XKRX: variants seen among roughly 807,000 people sequenced by gnomAD.
XKRX encodes the protein XK related X-linked.
XKRX carries 11 observed loss-of-function variants against 22.4 expected under a neutral mutation model. The observed-to-expected ratio is 0.49, with a 90% CI of 0.31 to 0.81. The LOEUF is 0.81. Ranked by LOEUF, XKRX falls within the 40% of genes least tolerant of loss-of-function variation. The pLI is 0.05. For synonymous variants in XKRX, 114 were observed against 132.2 expected (o/e 0.86, Z 0.94); for missense variants, 320 against 336.5 (o/e 0.95, Z 0.38).
At chrX:100,953,150 TA>T in the XKRX span, among the ~76,000 whole-genome samples, 1 of 111,427 alleles carries the variant, frequency 9.0e-6, no homozygotes, top group African/African-American at 3.3e-5. Flanking sequence ...CAGCCGGGTA[TA>T]GTGGCACATG....
chrX:100,950,763 T>G, the XKRX span, among the ~76,000 whole-genome samples: 3 of 111,709 alleles, frequency 2.7e-5, no homozygotes, highest in Non-Finnish European at 5.6e-5. Flanking sequence ...CTCCAAACAT[T>G]TGAAAATTAA....
the XKRX span, among the ~76,000 whole-genome samples, chrX:100,939,352 G>C: frequency 1.8e-3 from 205 of 111,854 alleles, no homozygotes; most frequent in Non-Finnish European, 2.9e-3. Context: ...TCAAAGTTAG[G>C]AGTGACTTTG....
downstream of XKRX, chrX:100,910,842 T>C: frequency 1.3e-6 from 1 of 767,423 alleles, no homozygotes; most frequent in Non-Finnish European, 2.0e-6. Context: ...AATGATGGTC[T>C]GAAGGCTAAG....
the XKRX span, among the ~76,000 whole-genome samples, chrX:100,897,108 AATT>A: frequency 9.0e-6 from 1 of 111,109 alleles, no homozygotes; most frequent in Non-Finnish European, 1.9e-5. Context: ...GTTATTTTTA[AATT>A]ATTATTGGTT....
At chrX:100,917,321 A>G (rs747050709) in intron 2 of XKRX, among the ~76,000 whole-genome samples, 19 of 109,548 alleles carry the variant, frequency 1.7e-4, no homozygotes, top group Admixed American at 4.9e-4. Flanking sequence ...CTAATTAGAA[A>G]TCCTTGGTTC....
At chrX:100,952,986 C>A in the XKRX span, among the ~76,000 whole-genome samples, 5 of 112,492 alleles carry the variant, frequency 4.4e-5, no homozygotes, top group Non-Finnish European at 7.5e-5. Flanking sequence ...TTACTTCACA[C>A]CACATACAAA....
upstream of XKRX, among the ~76,000 whole-genome samples, chrX:100,930,854 G>A (rs1267879331): frequency 4.5e-5 from 5 of 110,617 alleles, no homozygotes; most frequent in Admixed American, 9.7e-5. Context: ...AGAGTCAGCC[G>A]GGCGCGGTAG....
At chrX:100,908,726 C>G (rs1022939502), downstream of XKRX, among the ~76,000 whole-genome samples, 4 of 111,927 alleles carry the variant, frequency 3.6e-5, no homozygotes, top group Non-Finnish European at 7.5e-5. Context: ...TGATTATGTA[C>G]TAAAGAATTT....
At chrX:100,921,189 T>A (rs944968597) in intron 2 of XKRX, among the ~76,000 whole-genome samples, 3 of 111,398 alleles carry the variant, frequency 2.7e-5, no homozygotes, top group African/African-American at 9.8e-5. Flanking sequence ...TCAGCCACCA[T>A]GCCCATCCTT....
the XKRX span, among the ~76,000 whole-genome samples, chrX:100,901,826 C>T: frequency 1.8e-5 from 2 of 110,104 alleles, no homozygotes; most frequent in African/African-American, 6.6e-5. Flanking sequence ...ATGGTGAAAC[C>T]CTGTCTCTAC....
At chrX:100,910,525 C>T (rs1286737314), downstream of XKRX, among the ~76,000 whole-genome samples, 1 of 105,863 alleles carries the variant, frequency 9.4e-6, no homozygotes, top group African/African-American at 3.5e-5. Flanking sequence ...GTGGAGGTTG[C>T]GGTGAGCCAA....
chrX:100,905,945 G>C, the XKRX span, among the ~76,000 whole-genome samples: 1 of 111,854 alleles, frequency 8.9e-6, no homozygotes. Context: ...TGAACATATA[G>C]TTTAAGATAT....
At chrX:100,949,412 CAGG>C in the XKRX span, among the ~76,000 whole-genome samples, 1 of 100,506 alleles carries the variant, frequency 9.9e-6, no homozygotes, top group Non-Finnish European at 2.0e-5. Flanking sequence ...GTCGCCCAGG[CAGG>C]AGTAGAGTGG....
chrX:100,915,900 T>C (rs955444268), intron 2 of XKRX, among the ~76,000 whole-genome samples: 1 of 110,979 alleles, frequency 9.0e-6, no homozygotes, highest in African/African-American at 3.3e-5. Context: ...CAGAGTAGAA[T>C]GGGTGGTTAC....
downstream of XKRX, among the ~76,000 whole-genome samples, chrX:100,910,297 G>GA (rs1028823120): frequency 9.0e-6 from 1 of 111,066 alleles, no homozygotes; most frequent in Non-Finnish European, 1.9e-5. Flanking sequence ...TAAGATTTAA[G>GA]AGAGTAGGCC....
At chrX:100,909,607 G>A (rs2085399544), downstream of XKRX, among the ~76,000 whole-genome samples, 1 of 111,830 alleles carries the variant, frequency 8.9e-6, no homozygotes, top group Non-Finnish European at 1.9e-5. Flanking sequence ...AGGATCGAAT[G>A]AAATAATGCA....
chrX:100,913,067 G>C (rs1241935707), downstream of XKRX, among the ~76,000 whole-genome samples: 5 of 109,059 alleles, frequency 4.6e-5, no homozygotes, highest in Non-Finnish European at 7.6e-5. Context: ...GCATGGTGGC[G>C]GGCGCCTGTA....
chrX:100,951,441 C>T, the XKRX span, among the ~76,000 whole-genome samples: 13 of 73,123 alleles, frequency 1.8e-4, no homozygotes, highest in Non-Finnish European at 7.2e-5. Context: ...GAGAATCCCC[C>T]GGGGGTGGGG....
the XKRX span, among the ~76,000 whole-genome samples, chrX:100,952,189 TA>T: frequency 1.3e-4 from 14 of 110,876 alleles, no homozygotes; most frequent in African/African-American, 4.6e-4. Flanking sequence ...TCAACAGGCT[TA>T]AAAAATAAAA....
Sources: gnomAD v4.1 joint callset for allele counts (sites outside exome capture counted in the v4.1 genomes callset) on GRCh38, gnomAD v4.1.1 for gene constraint, MANE v1.5 for transcripts, NCBI Gene and HGNC (gene_info 2026-07-23, HGNC 2026-07-21) for gene names.